The following ZBTB20 variants were observed in gnomAD, a reference collection of about 807,000 sequenced individuals.
The protein encoded by ZBTB20 is zinc finger and BTB domain containing 20.
ZBTB20 carries 9 observed loss-of-function variants against 56.9 expected under a neutral mutation model. That is an observed-to-expected ratio of 0.16 (90% CI 0.10 to 0.28). The LOEUF is 0.28. ZBTB20 is among the 10% of genes least tolerant of loss of function. The pLI is 1.00. For missense variants in ZBTB20, 655 were observed against 1,003.0 expected (o/e 0.65, Z 4.69); for synonymous variants, 417 against 420.7 (o/e 0.99, Z 0.11).
intron 7 of ZBTB20, among the ~76,000 whole-genome samples, chr3:114,393,726 G>A (rs1334337418): frequency 1.3e-5 from 2 of 152,266 alleles, no homozygotes; most frequent in Non-Finnish European, 1.5e-5. Context: ...TTGAGGGGCT[G>A]CTGATGCCAC....
intron 1 of ZBTB20, among the ~76,000 whole-genome samples, chr3:115,103,908 G>C (rs2108611715): frequency 6.6e-6 from 1 of 152,236 alleles, no homozygotes; most frequent in East Asian, 1.9e-4. Context: ...GTAATGAAAA[G>C]ACAAGCCACA....
intron 6 of ZBTB20, among the ~76,000 whole-genome samples, chr3:114,595,564 G>T (rs991226902): frequency 6.6e-6 from 1 of 152,196 alleles, no homozygotes; most frequent in Non-Finnish European, 1.5e-5. Flanking sequence ...CTGGTTCAAT[G>T]AGTCCAGGGA....
intron 6 of ZBTB20, among the ~76,000 whole-genome samples, chr3:114,561,253 T>C (rs2052007865): frequency 6.6e-6 from 1 of 152,206 alleles, no homozygotes; most frequent in Non-Finnish European, 1.5e-5. Flanking sequence ...ATCAACTTCT[T>C]CCAAATGCCT....
intron 6 of ZBTB20, among the ~76,000 whole-genome samples, chr3:114,505,022 T>G (rs187578725): frequency 6.6e-6 from 1 of 152,340 alleles, no homozygotes; most frequent in African/African-American, 2.4e-5. Context: ...CAGGCTAGTT[T>G]AAGCTTCTCT....
intron 6 of ZBTB20, chr3:114,688,390 GA>G (rs34232155): frequency 1.6e-3 from 222 of 138,320 alleles, no homozygotes; most frequent in African/African-American, 5.1e-3. Flanking sequence ...AATAAAAGTT[GA>G]AAAAAAAAAA....
At chr3:114,936,852 T>C (rs971424767) in intron 3 of ZBTB20, among the ~76,000 whole-genome samples, 3 of 152,126 alleles carry the variant, frequency 2.0e-5, no homozygotes, top group African/African-American at 7.2e-5. Flanking sequence ...CCAAGGTGAA[T>C]TGGGTATGTG....
rs1050302291 is a variant in ZBTB20 at position 114,383,351 on chromosome 3, T to C, written c.-153-2411A>G. ...AAGCTTTCTTTCAAACATAAGGACA[T>C]AGCAAAACCACCAATATATTACTCT... On this transcript the variant is annotated intron_variant, in intron 8 of 11. Transcript: ENST00000675478. Among the ~76,000 whole-genome samples the C allele has an allele frequency of 4.6e-5, 7 of 152,214 alleles. No homozygotes were observed. The South Asian group carries it at 1.0e-3, about 23-fold the overall frequency.
chr3:114,431,442 T>C (rs1322834028), intron 7 of ZBTB20, among the ~76,000 whole-genome samples: 1 of 152,232 alleles, frequency 6.6e-6, no homozygotes, highest in Non-Finnish European at 1.5e-5. Flanking sequence ...TTCCAGAGCA[T>C]GTTCAAATGC....
At chr3:114,696,567 CT>C (rs2063028788) in intron 5 of ZBTB20, among the ~76,000 whole-genome samples, 1 of 152,024 alleles carries the variant, frequency 6.6e-6, no homozygotes, top group Admixed American at 6.6e-5. Context: ...GAGGCAGAAA[CT>C]AAAAAGGAAG....
chr3:114,657,539 G>T (rs2060483106), intron 6 of ZBTB20, among the ~76,000 whole-genome samples: 1 of 152,098 alleles, frequency 6.6e-6, no homozygotes, highest in African/African-American at 2.4e-5. Flanking sequence ...TAGATTCATG[G>T]GAGCCTTCCC....
intron 4 of ZBTB20, among the ~76,000 whole-genome samples, chr3:114,855,459 T>C (rs1467159662): frequency 2.0e-5 from 3 of 152,220 alleles, no homozygotes; most frequent in Admixed American, 1.3e-4. Flanking sequence ...CATCTATTCA[T>C]TTCCAATTAT....
At chr3:114,417,169 G>A (rs146522588) in intron 7 of ZBTB20, among the ~76,000 whole-genome samples, 3 of 152,086 alleles carry the variant, frequency 2.0e-5, no homozygotes, top group Non-Finnish European at 2.9e-5. Flanking sequence ...TCTGGCCCTC[G>A]TATAACTCAA....
intron 4 of ZBTB20, among the ~76,000 whole-genome samples, chr3:114,859,972 A>G (rs1350566299): frequency 2.0e-5 from 3 of 152,150 alleles, no homozygotes; most frequent in African/African-American, 4.8e-5. Flanking sequence ...AGAGTTTTCT[A>G]TTTTTATAGG....
chr3:114,766,353 A>C (rs1305487091), intron 5 of ZBTB20, among the ~76,000 whole-genome samples: 2 of 150,758 alleles, frequency 1.3e-5, no homozygotes, highest in Non-Finnish European at 2.9e-5. Flanking sequence ...ACATTCCCAT[A>C]TTTAAACAAG....
intron 6 of ZBTB20, among the ~76,000 whole-genome samples, chr3:114,643,844 C>T (rs1219118291): frequency 6.6e-6 from 1 of 152,006 alleles, no homozygotes; most frequent in African/African-American, 2.4e-5. Flanking sequence ...AACTCTTTAA[C>T]TGAATTTCTA....
At chr3:114,408,308 A>T (rs1345400368) in intron 7 of ZBTB20, among the ~76,000 whole-genome samples, 9 of 152,318 alleles carry the variant, frequency 5.9e-5, no homozygotes, top group Admixed American at 4.6e-4. Context: ...CTGCAGACTA[A>T]AGCAGAAGTT....
chr3:115,060,103 G>T (rs1272607031), intron 2 of ZBTB20, among the ~76,000 whole-genome samples: 1 of 152,046 alleles, frequency 6.6e-6, no homozygotes, highest in Non-Finnish European at 1.5e-5. Flanking sequence ...TTTTAGCCAT[G>T]CTTAACTTTG....
rs1360396016 is a variant in ZBTB20, at chr3:114,875,688, T to A, written c.-417+24616A>T. Among the ~76,000 whole-genome samples, 6 of 152,130 alleles carry A rather than the reference T, an allele frequency of 3.9e-5. No individual in the cohort carries two copies. The East Asian group carries it at 1.2e-3, about 29-fold the overall frequency. Reference sequence around the variant, plus strand: ...CATGTGGAAAGAACTGGACAACCTATCAGAAAAACCTGGCTATGACATTTC... The same window carrying A: ...CATGTGGAAAGAACTGGACAACCTAACAGAAAAACCTGGCTATGACATTTC... On this transcript the variant is annotated intron_variant, in intron 4 of 11. Coordinates refer to ENST00000675478, the MANE Select transcript of ZBTB20 (RefSeq NM_001348800.3).
chr3:114,581,808 G>A (rs762613995), intron 6 of ZBTB20, among the ~76,000 whole-genome samples: 25 of 152,078 alleles, frequency 1.6e-4, no homozygotes, highest in Non-Finnish European at 2.9e-4. Flanking sequence ...CTCATAGATT[G>A]TTACTGAGAA....
Sources: allele counts gnomAD v4.1 joint callset (sites outside exome capture counted in the v4.1 genomes callset), GRCh38; gene constraint gnomAD v4.1.1; transcripts MANE v1.5; gene names NCBI Gene and HGNC (gene_info 2026-07-23, HGNC 2026-07-21).